ZNF385C: variants seen among roughly 807,000 people sequenced by gnomAD.
The protein encoded by ZNF385C is zinc finger protein 385C, also known as CTD-2132N18.2.
Under a neutral mutation model 35.4 loss-of-function variants are expected in ZNF385C, and 28 were observed. The observed-to-expected ratio is 0.79, with a 90% CI of 0.59 to 1.08. ZNF385C has a LOEUF of 1.08. ZNF385C is among the 50% of genes least tolerant of loss of function. The probability of loss-of-function intolerance (pLI) is 0.00; values close to 1 mark genes in which losing one functional copy is unlikely to be tolerated. For missense variants in ZNF385C, 605 were observed against 595.6 expected (o/e 1.02, Z -0.16); for synonymous variants, 248 against 248.2 (o/e 1.00, Z 0.01).
intron 1 of ZNF385C, among the ~76,000 whole-genome samples, chr17:42,069,757 A>G (rs1227226868): frequency 6.6e-6 from 1 of 152,200 alleles, no homozygotes; most frequent in African/African-American, 2.4e-5. Flanking sequence ...CTTTAAAGAG[A>G]GGGGGCCAGG....
Position 42,026,842 on chromosome 17 carries a change from CAGG to C in ZNF385C, c.*52_*54del. 4 of 1,495,526 alleles carry C rather than the reference CAGG, an allele frequency of 2.7e-6. No individual in the cohort carries two copies. The highest frequency in any genetic ancestry group is 3.7e-6 in the Non-Finnish European group (4 of 1,094,546). 92.6% of individuals were successfully genotyped at this position (1,495,526 alleles called of 1,614,324 possible). ...TGTAGGAAACCAAGGTGTCTCAGGA[CAGG>C]AGGAGACAAGGAGTGGCTATTGGGA... On this transcript the variant is annotated 3_prime_UTR_variant, in exon 9 of 9. Coordinates refer to ENST00000692273, the MANE Select transcript of ZNF385C (RefSeq NM_001392013.1).
intron 1 of ZNF385C, among the ~76,000 whole-genome samples, chr17:42,091,512 C>G (rs1555660564): frequency 6.6e-6 from 1 of 152,188 alleles, no homozygotes; most frequent in African/African-American, 2.4e-5. Context: ...CCCAGCTTCC[C>G]AAGGGTCAGG....
intron 1 of ZNF385C, among the ~76,000 whole-genome samples, chr17:42,072,156 T>G (rs782428327): frequency 6.6e-6 from 1 of 152,166 alleles, no homozygotes; most frequent in Non-Finnish European, 1.5e-5. Flanking sequence ...CTATTCCATC[T>G]CAGTGTTGAT....
intron 2 of ZNF385C, chr17:42,040,079 C>CGGCA: frequency 1.6e-6 from 2 of 1,231,276 alleles, no homozygotes; most frequent in Admixed American, 8.4e-5. Flanking sequence ...TGGCGCACCA[C>CGGCA]GGCAGGAGCA....
chr17:42,059,648 G>A (rs529210449), intron 2 of ZNF385C, among the ~76,000 whole-genome samples: 1 of 150,440 alleles, frequency 6.6e-6, no homozygotes, highest in African/African-American at 2.5e-5. Context: ...TTAAGACAGA[G>A]TCTCATTCTG....
At chr17:42,091,099 T>C (rs1252335140) in intron 1 of ZNF385C, among the ~76,000 whole-genome samples, 1 of 151,976 alleles carries the variant, frequency 6.6e-6, no homozygotes, top group Non-Finnish European at 1.5e-5. Context: ...ACTTATGACA[T>C]CAAGTTCCAA....
intron 2 of ZNF385C, chr17:42,062,214 C>T (rs1424974913): frequency 6.5e-6 from 1 of 152,854 alleles, no homozygotes; most frequent in Non-Finnish European, 1.5e-5. Context: ...GCTAGAATCA[C>T]CCTCATGGAG....
chr17:42,038,327 T>A (rs2052914885), intron 2 of ZNF385C: 1 of 420,974 alleles, frequency 2.4e-6, no homozygotes, highest in Non-Finnish European at 4.2e-6. Flanking sequence ...CTAACTATCC[T>A]CCCTCCCTCC....
chr17:42,030,533 A>T (rs2052703321), intron 5 of ZNF385C, among the ~76,000 whole-genome samples: 1 of 151,668 alleles, frequency 6.6e-6, no homozygotes, highest in African/African-American at 2.4e-5. Context: ...AACAAAACAG[A>T]TACAAAAAAA....
intron 2 of ZNF385C, among the ~76,000 whole-genome samples, chr17:42,060,795 A>G (rs1407606241): frequency 6.6e-6 from 1 of 152,050 alleles, no homozygotes; most frequent in Non-Finnish European, 1.5e-5. Flanking sequence ...AGCTCACTGC[A>G]GCCTCCACCT....
chr17:42,039,373 T>C (rs2052947046), intron 2 of ZNF385C: 1 of 260,546 alleles, frequency 3.8e-6, no homozygotes, highest in South Asian at 1.7e-4. Context: ...AAAACTCCCA[T>C]CTTTGGGGGG....
chr17:42,039,642 C>T lies in ZNF385C; in HGVS notation c.251-1757G>A, dbSNP rs139562623. The T allele has an allele frequency of 1.7e-4, 208 of 1,215,252 alleles. 1 individual carries two copies. The East Asian group carries it at 6.0e-3, about 35-fold the overall frequency. 75.3% of individuals were successfully genotyped at this position (1,215,252 alleles called of 1,614,324 possible). ...CATCTTGGGTGCAGCATGGTCAAGT[C>T]TAGGTTGGCCCTTACAGTGCCCAGG... On this transcript the variant is annotated intron_variant, in intron 2 of 8. Transcript: ENST00000692273.
Position 42,025,988 on chromosome 17 carries a change from AG to A in ZNF385C, c.*908del, listed in dbSNP as rs2052569747. 1 of 152,128 alleles carries A rather than the reference AG, an allele frequency of 6.6e-6. No individual in the cohort carries two copies. The highest frequency in any genetic ancestry group is 2.1e-4 in the South Asian group (1 of 4,820). The allele number at this position is 152,128 out of a possible 1,614,324, so 9.4% of individuals were successfully genotyped here. A position where few individuals can be genotyped will look rare whatever the true frequency, so the allele number is the denominator to read the frequency against. On this transcript the variant is annotated 3_prime_UTR_variant, in exon 9 of 9. Transcript: ENST00000692273. Reference sequence around the variant, plus strand: ...CGGTGTTAGCTGAGTCCATAGTCTGAGGGAGACCCACACCCGCCCTCCAAGA... The same window carrying A: ...CGGTGTTAGCTGAGTCCATAGTCTGAGGAGACCCACACCCGCCCTCCAAGA...
chr17:42,056,124 C>G (rs1555657541), intron 2 of ZNF385C, among the ~76,000 whole-genome samples: 3 of 152,266 alleles, frequency 2.0e-5, no homozygotes, highest in Non-Finnish European at 4.4e-5. Context: ...CTCCTCTCCC[C>G]TCTTGTGTCA....
At chr17:42,047,267 C>T (rs974356222) in intron 2 of ZNF385C, among the ~76,000 whole-genome samples, 16 of 152,048 alleles carry the variant, frequency 1.1e-4, no homozygotes, top group Admixed American at 3.3e-4. Flanking sequence ...CTCCTGACCT[C>T]GTGATCCGCC....
intron 5 of ZNF385C, among the ~76,000 whole-genome samples, chr17:42,030,062 A>G (rs1555654843): frequency 2.0e-5 from 3 of 152,164 alleles, no homozygotes; most frequent in Non-Finnish European, 2.9e-5. Context: ...TTTAAATTAA[A>G]AAAAAATAGT....
At chr17:42,078,851 G>C (rs1280855322) in intron 1 of ZNF385C, among the ~76,000 whole-genome samples, 3 of 152,068 alleles carry the variant, frequency 2.0e-5, no homozygotes, top group Non-Finnish European at 4.4e-5. Flanking sequence ...AATTTGGAGG[G>C]ACTGCGGGGA....
intron 1 of ZNF385C, among the ~76,000 whole-genome samples, chr17:42,076,577 G>A (rs782163283): frequency 1.3e-4 from 19 of 151,986 alleles, no homozygotes; most frequent in Non-Finnish European, 2.6e-4. Flanking sequence ...AGCCAAGATC[G>A]CGCCACTGCA....
intron 2 of ZNF385C, chr17:42,061,896 G>A (rs574097571): frequency 1.3e-5 from 2 of 153,106 alleles, no homozygotes; most frequent in South Asian, 4.1e-4. Flanking sequence ...GGTAAGCAGA[G>A]AGATTGGATC....
Sources: allele counts gnomAD v4.1 joint callset (sites outside exome capture counted in the v4.1 genomes callset), GRCh38; gene constraint gnomAD v4.1.1; transcripts MANE v1.5; gene names NCBI Gene and HGNC (gene_info 2026-07-23, HGNC 2026-07-21).